EPB41L1: variants seen among roughly 807,000 people sequenced by gnomAD.
EPB41L1 encodes the protein band 4.1-like protein 1.
A neutral mutation model predicts 97.8 loss-of-function variants in EPB41L1; 29 were observed. The ratio of observed to expected loss-of-function variants is 0.30; its 90% CI spans 0.22 to 0.40. EPB41L1 has a LOEUF of 0.40. Ranked by LOEUF, EPB41L1 falls within the 10% of genes least tolerant of loss-of-function variation. The pLI is 1.00. For missense variants in EPB41L1, 812 were observed against 1,162.3 expected (o/e 0.70, Z 4.38); for synonymous variants, 383 against 459.2 (o/e 0.83, Z 2.12).
At chr20:36,113,352 G>A (rs1569036536) in intron 2 of EPB41L1, among the ~76,000 whole-genome samples, 1 of 151,294 alleles carries the variant, frequency 6.6e-6, no homozygotes, top group African/African-American at 2.4e-5. Flanking sequence ...GAGTCCTCTG[G>A]TTTTTAATTT....
At chr20:36,129,310 G>A (rs1569079119) in intron 2 of EPB41L1, among the ~76,000 whole-genome samples, 1 of 152,134 alleles carries the variant, frequency 6.6e-6, no homozygotes, top group Non-Finnish European at 1.5e-5. Context: ...GCTTGGGCTG[G>A]ACTGCGGGGT....
chr20:36,218,063 A>C (rs943331480), intron 17 of EPB41L1, among the ~76,000 whole-genome samples: 2 of 152,206 alleles, frequency 1.3e-5, no homozygotes, highest in Non-Finnish European at 2.9e-5. Context: ...TCTAGCAATT[A>C]GAATTTAAGG....
At chr20:36,146,999 T>C (rs2059863160) in intron 2 of EPB41L1, among the ~76,000 whole-genome samples, 1 of 151,922 alleles carries the variant, frequency 6.6e-6, no homozygotes, top group South Asian at 2.1e-4. Flanking sequence ...ATATAAAAAT[T>C]AGCAGTGCAT....
chr20:36,180,831 A>G (rs1419267429), intron 5 of EPB41L1, among the ~76,000 whole-genome samples: 1 of 152,128 alleles, frequency 6.6e-6, no homozygotes, highest in Non-Finnish European at 1.5e-5. Flanking sequence ...TCCTGAGACC[A>G]TTGTTATTCA....
At position 36,154,999 on chromosome 20, in the gene EPB41L1, A is replaced by G; in HGVS notation, c.-15+103A>G. On this transcript the variant is annotated intron_variant, in intron 1 of 21. Coordinates refer to ENST00000338074, the MANE Select transcript of EPB41L1 (RefSeq NM_012156.2). The surrounding 1 kb of genome is among the most constrained non-coding windows in gnomAD (Gnocchi z 5.5). ...GGAACGGGGGCGAGGCCGAGAACTG[A>G]GTTTTCAGGCTGTTGGTCCCCTGGC... 9.4e-7 allele frequency: 1 copy of G among 1,066,210 alleles called. No individual in the cohort carries two copies. The highest frequency in any genetic ancestry group is 1.2e-6 in the Non-Finnish European group (1 of 824,738). The allele number at this position is 1,066,210 out of a possible 1,614,324, so 66.0% of individuals were successfully genotyped here.
rs540400772 is a variant in EPB41L1, at chr20:36,186,751, G to A, written c.786-925G>A. Among the ~76,000 whole-genome samples the A allele has an allele frequency of 2.6e-5, 4 of 152,314 alleles. No individual in the cohort carries two copies. The South Asian group carries it at 8.3e-4, about 32-fold the overall frequency. ...GAGAAAGATGTTCAGATCAATATGG[G>A]CTGGAGAAATACTAAGGGCTGTCCC... On this transcript the variant is annotated intron_variant, in intron 7 of 21. Coordinates refer to ENST00000338074, the MANE Select transcript of EPB41L1 (RefSeq NM_012156.2).
At chr20:36,208,108 C>T (rs2062928122) in intron 14 of EPB41L1, among the ~76,000 whole-genome samples, 1 of 152,194 alleles carries the variant, frequency 6.6e-6, no homozygotes, top group African/African-American at 2.4e-5. Context: ...CCTTGCCGCT[C>T]ATACCCGCTG....
rs1028933820 is a variant in EPB41L1 at position 36,195,443 on chromosome 20, AG to A, written c.1485+81del. 5 of 1,527,654 alleles carry A rather than the reference AG, an allele frequency of 3.3e-6. No individual in the cohort carries two copies. The African/African-American group carries it at 6.9e-5, about 21-fold the overall frequency. The allele number at this position is 1,527,654 out of a possible 1,614,324, so 94.6% of individuals were successfully genotyped here. Reference sequence around the variant, plus strand: ...TTGTCACCATCCCACAGTCCATCCCAGGCTCACTTCCCTGGCACCATCTCAG... The same window carrying A: ...TTGTCACCATCCCACAGTCCATCCCAGCTCACTTCCCTGGCACCATCTCAG... On this transcript the variant is annotated intron_variant, in intron 13 of 21. Transcript: ENST00000338074. The surrounding 1 kb of genome is among the most constrained non-coding windows in gnomAD (Gnocchi z 4.6).
chr20:36,117,904 TC>T (rs1355291199), intron 2 of EPB41L1, among the ~76,000 whole-genome samples: 2 of 152,330 alleles, frequency 1.3e-5, no homozygotes, highest in South Asian at 2.1e-4. Context: ...ATTTGAGAGT[TC>T]CCCAAATCCA....
At chr20:36,188,586 ACACAC>A in intron 9 of EPB41L1, 87 bp downstream of exon 9, 1 of 270,084 alleles carries the variant, frequency 3.7e-6, no homozygotes, top group Non-Finnish European at 7.6e-6. Context: ...CTGCCAACAC[ACACAC>A]ACACACACAC....
intron 2 of EPB41L1, among the ~76,000 whole-genome samples, chr20:36,124,180 G>A (rs1335152394): frequency 2.0e-5 from 3 of 152,230 alleles, no homozygotes; most frequent in South Asian, 2.1e-4. Context: ...GTGTGAACCC[G>A]GGATGCAGAG....
chr20:36,158,643 A>G (rs1287813269), intron 1 of EPB41L1, among the ~76,000 whole-genome samples: 1 of 152,208 alleles, frequency 6.6e-6, no homozygotes, highest in Non-Finnish European at 1.5e-5. Context: ...GACGTAGGCT[A>G]TAGTCACAGC....
At chr20:36,101,944 G>A (rs1002704596) in intron 1 of EPB41L1, among the ~76,000 whole-genome samples, 2 of 152,088 alleles carry the variant, frequency 1.3e-5, no homozygotes, top group African/African-American at 4.8e-5. Flanking sequence ...GGCGGAGGTT[G>A]CAGTGAGCTG....
At position 36,185,457 on chromosome 20, in the gene EPB41L1, A is replaced by G. The variant is rs375298581; in HGVS notation, c.785+122A>G. ...TTGTACCCCGCCTGGCTCTGCCCCT[A>G]GCTTGAGGTATATCTAAGAGCAAAT... On this transcript the variant is annotated intron_variant, in intron 7 of 21. Coordinates refer to ENST00000338074, the MANE Select transcript of EPB41L1 (RefSeq NM_012156.2). The G allele has an allele frequency of 9.8e-4, 863 of 881,970 alleles. 12 individuals carry two copies. In the South Asian group the frequency reaches 0.01, roughly 10 times the overall value. 54.6% of individuals were successfully genotyped at this position (881,970 alleles called of 1,614,324 possible). A position where few individuals can be genotyped will look rare whatever the true frequency, so the allele number is the denominator to read the frequency against.
At chr20:36,137,815 T>A (rs566271650) in intron 2 of EPB41L1, among the ~76,000 whole-genome samples, 2 of 152,212 alleles carry the variant, frequency 1.3e-5, no homozygotes, top group East Asian at 3.9e-4. Flanking sequence ...TGAGCCACCA[T>A]GCCCAGCCAA....
rs1214712424 is a variant in EPB41L1 at position 36,207,455 on chromosome 20, T to C, written c.1669-2033T>C. The stretch of plus-strand genomic sequence containing the variant: ...AGCAAGACCTCAGTGGCCAACAAAA[T>C]TCGGATATTTGAGACCCACGGAGCT... On this transcript the variant is annotated intron_variant, in intron 14 of 21. Coordinates refer to ENST00000338074, the MANE Select transcript of EPB41L1 (RefSeq NM_012156.2). This position sits in a 1 kb window ranked among gnomAD's most constrained non-coding sequence, Gnocchi z 4.9. 7.8e-7 allele frequency: 1 copy of C among 1,289,626 alleles called. No individual in the cohort carries two copies. The highest frequency in any genetic ancestry group is 5.6e-5 in the East Asian group (1 of 17,996). 79.9% of individuals were successfully genotyped at this position (1,289,626 alleles called of 1,614,324 possible). A position where few individuals can be genotyped will look rare whatever the true frequency, so the allele number is the denominator to read the frequency against.
Position 36,173,782 on chromosome 20 carries a change from C to T in EPB41L1, c.5C>T (p.Thr2Ile). Residue 2 changes from threonine (T) to isoleucine (I), a missense_variant, in exon 2 of 22, where the codon ACA (threonine) becomes ATA (isoleucine). By Grantham distance (89) the Thr-to-Ile change is moderately conservative (BLOSUM62 -1). Around this residue, in one of 3 missense-constraint regions of EPB41L1, gnomAD observed 84 missense variants for 94.3 expected, o/e 0.89. Coordinates refer to ENST00000338074, the MANE Select transcript of EPB41L1 (RefSeq NM_012156.2). ...AATGCAGGCGTGCTGGTCACCATGA[C>T]AACAGAGACAGGCCCCGACTCTGAG... Reference protein sequence around the residue: MTTETGPDSEVK... With the variant: MITETGPDSEVK... The T allele has an allele frequency of 6.2e-7, 1 of 1,614,148 alleles. No individual in the cohort carries two copies. The highest frequency in any genetic ancestry group is 1.1e-5 in the South Asian group (1 of 91,082).
At chr20:36,163,677 A>G (rs2060621496) in intron 1 of EPB41L1, among the ~76,000 whole-genome samples, 1 of 152,174 alleles carries the variant, frequency 6.6e-6, no homozygotes, top group Non-Finnish European at 1.5e-5. Flanking sequence ...AGAAGGCATT[A>G]CTAGCTCTCG....
Position 36,206,907 on chromosome 20 carries a change from C to T in EPB41L1, c.1669-2581C>T, listed in dbSNP as rs934065671. Reference sequence around the variant, plus strand: ...CTCACAGAGGACAGGGCGTGCATCCCGACCCCCAGGCCTGCGCCCTTCCTC... The same window carrying T: ...CTCACAGAGGACAGGGCGTGCATCCTGACCCCCAGGCCTGCGCCCTTCCTC... On this transcript the variant is annotated intron_variant, in intron 14 of 21. Coordinates refer to ENST00000338074, the MANE Select transcript of EPB41L1 (RefSeq NM_012156.2). The surrounding 1 kb of genome is among the most constrained non-coding windows in gnomAD (Gnocchi z 5.5). 52 of 1,289,812 alleles carry T rather than the reference C, an allele frequency of 4.0e-5. No homozygotes were observed. Among genetic ancestry groups the T allele is most frequent in the Non-Finnish European group, 4.9e-5 (48 of 988,902 alleles). 79.9% of individuals were successfully genotyped at this position (1,289,812 alleles called of 1,614,324 possible).
Sources: gnomAD v4.1 joint callset for allele counts (sites outside exome capture counted in the v4.1 genomes callset) on GRCh38, gnomAD v4.1.1 for gene constraint, gnomAD v4.1.1 regional missense constraint, Gnocchi (gnomAD v3.1) non-coding constraint, MANE v1.5 for transcripts, NCBI Gene and HGNC (gene_info 2026-07-23, HGNC 2026-07-21) for gene names.